SGK1: variants seen among roughly 807,000 people sequenced by gnomAD.
The protein encoded by SGK1 is serum/glucocorticoid regulated kinase 1.
SGK1 carries 26 observed loss-of-function variants against 64.2 expected under a neutral mutation model. The observed-to-expected ratio is 0.40, with a 90% CI of 0.30 to 0.56. SGK1 has a LOEUF of 0.56. Ranked by LOEUF, SGK1 falls within the 20% of genes least tolerant of loss-of-function variation. SGK1 has a pLI of 0.38. For synonymous variants in SGK1, 265 were observed against 239.7 expected, an observed-to-expected ratio of 1.11 and a Z score of -0.98; for missense variants, 519 against 645.6, an observed-to-expected ratio of 0.80 and a Z score of 2.12.
chr6:134,308,135 T>C (rs1314643223), intron 1 of SGK1, among the ~76,000 whole-genome samples: 6 of 152,220 alleles, frequency 3.9e-5, no homozygotes, highest in Non-Finnish European at 8.8e-5. Flanking sequence ...CATCGTTTTT[T>C]TCCTGTAATT....
At chr6:134,176,102 TAAC>T (rs1775225887) in intron 3 of SGK1, 1 of 555,924 alleles carries the variant, frequency 1.8e-6, no homozygotes, top group Non-Finnish European at 2.3e-6. Context: ...CGTGAGGAGG[TAAC>T]AAGCGAAGGG....
In SGK1 at chr6:134,175,474, C is replaced by CCGGCCCCTGCCTCCAA. The variant is rs1370162716; in HGVS notation, c.362-904_362-889dup. The CCGGCCCCTGCCTCCAA allele has an allele frequency of 6.7e-6, 9 of 1,337,256 alleles. No homozygotes were observed. In the African/African-American group the frequency reaches 1.2e-4, roughly 18 times the overall value. 82.8% of individuals were successfully genotyped at this position (1,337,256 alleles called of 1,614,324 possible). A position where few individuals can be genotyped will look rare whatever the true frequency, so the allele number is the denominator to read the frequency against. ...CCGGCCCCGAGAACTCCGACGAAAG[C>CCGGCCCCTGCCTCCAA]CGGCCCCTGCCTCCAAGCCGCTCTG... On this transcript the variant is annotated intron_variant, in intron 3 of 13. Coordinates refer to ENST00000367858, the MANE Select transcript of SGK1 (RefSeq NM_001143676.3).
intron 1 of SGK1, among the ~76,000 whole-genome samples, chr6:134,264,320 C>G (rs1473120815): frequency 6.6e-6 from 1 of 151,826 alleles, no homozygotes; most frequent in East Asian, 1.9e-4. Context: ...CGGGTTTCAT[C>G]GTGTTAGCCA....
chr6:134,297,975 T>C, intron 1 of SGK1: 1 of 814,022 alleles, frequency 1.2e-6, no homozygotes. Flanking sequence ...GGAGCGGCTG[T>C]TGTCCATGGA....
intron 5 of SGK1, 135 bp from the exon 6 acceptor site, chr6:134,173,701 T>A: frequency 1.5e-6 from 1 of 652,300 alleles, no homozygotes; most frequent in Non-Finnish European, 2.6e-6. Context: ...CATTCAAAAC[T>A]ACATTTCATC....
intron 2 of SGK1, among the ~76,000 whole-genome samples, chr6:134,244,594 G>A (rs1776496339): frequency 2.0e-5 from 3 of 152,160 alleles, no homozygotes; most frequent in South Asian, 4.2e-4. Flanking sequence ...TGCACTTCCC[G>A]GGTAAGGCAA....
chr6:134,290,220 A>G (rs1018651877), intron 1 of SGK1, among the ~76,000 whole-genome samples: 18 of 150,108 alleles, frequency 1.2e-4, no homozygotes, highest in Admixed American at 3.3e-4. Context: ...GCTACTCAGG[A>G]GGCTGAGGTG....
At chr6:134,224,360 G>A (rs1189183959) in intron 2 of SGK1, among the ~76,000 whole-genome samples, 1 of 152,196 alleles carries the variant, frequency 6.6e-6, no homozygotes, top group Non-Finnish European at 1.5e-5. Flanking sequence ...AACATGTGGA[G>A]AAGTGGATAG....
chr6:134,209,435 A>G (rs376203288), intron 2 of SGK1, among the ~76,000 whole-genome samples: 3 of 152,188 alleles, frequency 2.0e-5, no homozygotes, highest in East Asian at 3.9e-4. Context: ...CTCTGTCTCA[A>G]AAAAACAAAC....
intron 1 of SGK1, among the ~76,000 whole-genome samples, chr6:134,287,470 G>T (rs17063601): frequency 1.4e-5 from 2 of 147,628 alleles, no homozygotes; most frequent in African/African-American, 2.5e-5. Flanking sequence ...AAGGAAGATT[G>T]GTAATTTTGA....
chr6:134,297,718 G>T (rs181262834), intron 1 of SGK1: 10 of 457,302 alleles, frequency 2.2e-5, no homozygotes, highest in African/African-American at 2.0e-4. Flanking sequence ...GGTCAGGCTG[G>T]TCTTGAACTT....
chr6:134,236,256 A>G (rs1219979401), intron 2 of SGK1, among the ~76,000 whole-genome samples: 2 of 152,178 alleles, frequency 1.3e-5, no homozygotes, highest in African/African-American at 4.8e-5. Context: ...CACATTTTAC[A>G]TAATATTGGG....
At chr6:134,264,038 A>C (rs919625767) in intron 1 of SGK1, among the ~76,000 whole-genome samples, 3 of 152,146 alleles carry the variant, frequency 2.0e-5, no homozygotes, top group Non-Finnish European at 4.4e-5. Flanking sequence ...AAATTTCCCC[A>C]GGGCACAGTG....
rs376018404 is a variant in SGK1, at chr6:134,192,672, C to G, written c.361+14684G>C. Among the ~76,000 whole-genome samples the G allele has an allele frequency of 3.6e-4, 54 of 150,634 alleles. 1 individual carries two copies. The East Asian group carries it at 8.6e-3, about 24-fold the overall frequency. On this transcript the variant is annotated intron_variant, in intron 3 of 13. Transcript: ENST00000367858. ...GCAAACTCTGCCTCCCGGGTTCAAG[C>G]GATTCCCCCACCTCAGCCTCCCGAG...
At chr6:134,277,996 A>C (rs1269800077) in intron 1 of SGK1, among the ~76,000 whole-genome samples, 1 of 152,198 alleles carries the variant, frequency 6.6e-6, no homozygotes, top group African/African-American at 2.4e-5. Context: ...AACTACCTTG[A>C]GCAAGACACT....
chr6:134,298,171 G>C, intron 1 of SGK1: 1 of 1,359,594 alleles, frequency 7.4e-7, no homozygotes, highest in Non-Finnish European at 1.0e-6. Context: ...TAAGCTTATT[G>C]ATCTCATCCT....
rs1390589546 is a variant in SGK1 at position 134,317,452 on chromosome 6, G to T, written c.9C>A (p.Asn3Lys). Residue 3 changes from asparagine to lysine, a missense_variant, in exon 1 of 14, where the codon AAC (asparagine) becomes AAA (lysine). This residue lies in a region of SGK1 where 241 missense variants were observed against 236.9 expected (regional missense o/e 1.02). Transcript: ENST00000367858. ...TGACTGGGAATCCATTCATGTCTTTGTTTACCATTTTCCACCGTGGGGAAT... is the reference window on the plus strand; with the variant it reads ...TGACTGGGAATCCATTCATGTCTTTTTTTACCATTTTCCACCGTGGGGAAT... MV[N>K]KDMNGFPVKK... is the part of the protein sequence containing the mutation. The T allele has an allele frequency of 1.2e-6, 2 of 1,608,096 alleles. No homozygotes were observed. The highest frequency in any genetic ancestry group is 1.7e-6 in the Non-Finnish European group (2 of 1,174,448).
chr6:134,174,269 C>T (rs1775136128), intron 4 of SGK1, 189 bp from the exon 5 acceptor site: 1 of 605,186 alleles, frequency 1.7e-6, no homozygotes, highest in Middle Eastern at 4.4e-4. Flanking sequence ...AGGATTGTTG[C>T]TCATGGAGAA....
chr6:134,268,471 A>ATCCCAGTACTTTGGGAGGAGGCGGGC, intron 1 of SGK1, among the ~76,000 whole-genome samples: 1 of 152,092 alleles, frequency 6.6e-6, no homozygotes, highest in Middle Eastern at 3.4e-3. Context: ...CATGCCTGTA[A>ATCCCAGTACTTTGGGAGGAGGCGGGC]TCCCAGTACT....
Sources: allele counts gnomAD v4.1 joint callset (sites outside exome capture counted in the v4.1 genomes callset), GRCh38; gene constraint gnomAD v4.1.1; regional missense constraint gnomAD v4.1.1; transcripts MANE v1.5; gene names NCBI Gene and HGNC (gene_info 2026-07-23, HGNC 2026-07-21).